The following ZNF438 variants were observed in gnomAD, a reference collection of about 807,000 sequenced individuals.
The protein encoded by ZNF438 is zinc finger protein 438.
Under a neutral mutation model 38.0 loss-of-function variants are expected in ZNF438, and 25 were observed. That is an observed-to-expected ratio of 0.66 (90% confidence interval 0.48 to 0.92). The LOEUF is 0.92. ZNF438 is among the 40% of genes least tolerant of loss of function. The pLI is 0.00. For synonymous variants in ZNF438, 372 were observed against 364.1 expected, an observed-to-expected ratio of 1.02 and a Z score of -0.25; for missense variants, 1,007 against 999.6, an observed-to-expected ratio of 1.01 and a Z score of -0.10.
At chr10:30,952,010 G>C (rs1443660694) in intron 1 of ZNF438, among the ~76,000 whole-genome samples, 1 of 149,906 alleles carries the variant, frequency 6.7e-6, no homozygotes, top group Non-Finnish European at 1.5e-5. Context: ...ATACTACAAG[G>C]CTACAGTAAC....
At chr10:30,894,421 G>A (rs12254131) in intron 3 of ZNF438, among the ~76,000 whole-genome samples, 26 of 152,304 alleles carry the variant, frequency 1.7e-4, no homozygotes, top group African/African-American at 6.3e-4. Context: ...CGCTGACCCA[G>A]CACCTGGGAA....
intron 2 of ZNF438, among the ~76,000 whole-genome samples, chr10:30,928,130 G>C (rs149218350): frequency 2.0e-5 from 3 of 151,894 alleles, no homozygotes; most frequent in African/African-American, 7.3e-5. Context: ...GAGAGGCGAC[G>C]GAACTCCACC....
intron 1 of ZNF438, among the ~76,000 whole-genome samples, chr10:30,976,623 T>C (rs1436913779): frequency 1.3e-5 from 2 of 152,134 alleles, no homozygotes; most frequent in East Asian, 1.9e-4. Flanking sequence ...GGCACACTTA[T>C]AGTACCAGCT....
intron 1 of ZNF438, among the ~76,000 whole-genome samples, chr10:30,970,578 G>T (rs117922683): frequency 6.6e-6 from 1 of 152,234 alleles, no homozygotes; most frequent in African/African-American, 2.4e-5. Context: ...ATGAAATGTG[G>T]AAAATATCCT....
chr10:30,925,196 C>G (rs1269936987), intron 2 of ZNF438, among the ~76,000 whole-genome samples: 4 of 151,924 alleles, frequency 2.6e-5, no homozygotes, highest in Middle Eastern at 6.8e-3. Flanking sequence ...CCACCCCTCA[C>G]CCCCGACCCT....
chr10:30,856,579 A>G (rs555270251), intron 4 of ZNF438, among the ~76,000 whole-genome samples: 2 of 152,310 alleles, frequency 1.3e-5, no homozygotes, highest in Admixed American at 1.3e-4. Flanking sequence ...AAAAACTCTC[A>G]CCTGCACCCA....
At chr10:30,990,464 A>G (rs985745137) in intron 1 of ZNF438, among the ~76,000 whole-genome samples, 1 of 152,160 alleles carries the variant, frequency 6.6e-6, no homozygotes, top group Non-Finnish European at 1.5e-5. Flanking sequence ...TGCCAGAAAT[A>G]CAAACCCTCA....
intron 1 of ZNF438, among the ~76,000 whole-genome samples, chr10:30,977,788 G>A (rs894230965): frequency 6.6e-6 from 1 of 151,932 alleles, no homozygotes; most frequent in East Asian, 1.9e-4. Context: ...TTCGAGACTA[G>A]CCTGGCTAAT....
At position 30,925,531 on chromosome 10, in the gene ZNF438, C is replaced by T. The variant is rs190947435; in HGVS notation, c.-115+16044G>A. On this transcript the variant is annotated intron_variant, in intron 2 of 5. Transcript: ENST00000413025. ...GTTATTAAAACAAAATAAAAGTTAT[C>T]GCATTAACCTGTCCAAAATTTGCTA... Among the ~76,000 whole-genome samples the T allele has an allele frequency of 6.0e-3, 921 of 152,270 alleles. 11 individuals carry two copies. Among genetic ancestry groups the T allele is most frequent in the Non-Finnish European group, 0.011 (727 of 68,024 alleles).
intron 3 of ZNF438, among the ~76,000 whole-genome samples, chr10:30,886,193 G>A (rs1266312356): frequency 6.6e-6 from 1 of 152,144 alleles, no homozygotes; most frequent in Non-Finnish European, 1.5e-5. Context: ...CCAAAATGTT[G>A]TATAAACTCA....
intron 4 of ZNF438, among the ~76,000 whole-genome samples, chr10:30,868,722 C>G (rs1009369565): frequency 6.6e-6 from 1 of 152,218 alleles, no homozygotes; most frequent in Non-Finnish European, 1.5e-5. Flanking sequence ...AATAAAGATG[C>G]AAGCATCTGC....
chr10:30,924,281 T>C (rs1589222633), intron 2 of ZNF438, among the ~76,000 whole-genome samples: 1 of 152,324 alleles, frequency 6.6e-6, no homozygotes, highest in East Asian at 1.9e-4. Flanking sequence ...AATCAGGTGC[T>C]GCAGCCGAGG....
At chr10:30,856,808 T>C (rs1287603644) in intron 4 of ZNF438, among the ~76,000 whole-genome samples, 2 of 152,200 alleles carry the variant, frequency 1.3e-5, no homozygotes, top group East Asian at 1.9e-4. Context: ...GAATACTTAA[T>C]ATTAGGATCT....
chr10:30,890,097 A>AAAAAAAG (rs1564579272), intron 3 of ZNF438, among the ~76,000 whole-genome samples: 17 of 146,534 alleles, frequency 1.2e-4, no homozygotes, highest in Admixed American at 6.7e-5. Context: ...AAAAAAAAAA[A>AAAAAAAG]AAAAAAGAAA....
chr10:30,939,637 C>T (rs1212807180), intron 2 of ZNF438, among the ~76,000 whole-genome samples: 1 of 148,512 alleles, frequency 6.7e-6, no homozygotes, highest in African/African-American at 2.4e-5. Context: ...TATCAGCAAC[C>T]TACAGGTAAA....
chr10:30,886,791 A>G (rs1168368203), intron 3 of ZNF438, among the ~76,000 whole-genome samples: 1 of 152,180 alleles, frequency 6.6e-6, no homozygotes, highest in Admixed American at 6.5e-5. Context: ...CTGTTGGTCC[A>G]TTTCATTAAC....
chr10:30,965,189 T>G (rs1206808443), intron 1 of ZNF438, among the ~76,000 whole-genome samples: 1 of 152,166 alleles, frequency 6.6e-6, no homozygotes, highest in African/African-American at 2.4e-5. Context: ...GAAAAAATGT[T>G]TAACATCACT....
intron 1 of ZNF438, among the ~76,000 whole-genome samples, chr10:31,009,290 T>C (rs2055435115): frequency 6.6e-6 from 1 of 152,218 alleles, no homozygotes; most frequent in Admixed American, 6.5e-5. Flanking sequence ...GGCATGTGAT[T>C]AAACAGACCT....
At chr10:30,962,361 G>A (rs2049592135) in intron 1 of ZNF438, among the ~76,000 whole-genome samples, 1 of 147,272 alleles carries the variant, frequency 6.8e-6, no homozygotes, top group East Asian at 1.9e-4. Context: ...AAAGACATAA[G>A]CAACACATCT....
Sources: gnomAD v4.1 joint callset for allele counts (sites outside exome capture counted in the v4.1 genomes callset) on GRCh38, gnomAD v4.1.1 for gene constraint, MANE v1.5 for transcripts, NCBI Gene and HGNC (gene_info 2026-07-23, HGNC 2026-07-21) for gene names.